Variants in ARHGEF10L observed in about 807,000 individuals in gnomAD.
ARHGEF10L encodes rho guanine nucleotide exchange factor 10-like protein.
ARHGEF10L carries 69 observed loss-of-function variants against 141.2 expected under a neutral mutation model. The ratio of observed to expected loss-of-function variants is 0.49; its 90% CI spans 0.40 to 0.60. The LOEUF (loss-of-function observed/expected upper bound fraction) is 0.60, where lower values mean the gene tolerates loss of function less well. Among genes scored for constraint, ARHGEF10L ranks in the 20% least tolerant of loss-of-function variants. The pLI is 0.00. For missense variants in ARHGEF10L, 1,482 were observed against 1,734.3 expected, an observed-to-expected ratio of 0.85 and a Z score of 2.58; for synonymous variants, 711 against 718.5, an observed-to-expected ratio of 0.99 and a Z score of 0.17.
At chr1:17,677,997 G>A (rs562676656) in intron 26 of ARHGEF10L, among the ~76,000 whole-genome samples, 1 of 152,184 alleles carries the variant, frequency 6.6e-6, no homozygotes, top group Admixed American at 6.5e-5. Flanking sequence ...CATGGGGGCT[G>A]CGGGTGAGCT....
At chr1:17,657,973 A>T (rs35871295) in intron 25 of ARHGEF10L, among the ~76,000 whole-genome samples, 18,206 of 152,278 alleles carry the variant, frequency 0.12, 1,362 homozygotes, top group Non-Finnish European at 0.16. Flanking sequence ...AATGGCAGAC[A>T]TGTAGCGTCG....
At chr1:17,527,519 C>G in the ARHGEF10L span, among the ~76,000 whole-genome samples, 13 of 152,118 alleles carry the variant, frequency 8.5e-5, no homozygotes, top group Non-Finnish European at 1.6e-4. Context: ...TTTTATGGCA[C>G]CACCCGTACC....
chr1:17,626,161 A>G (rs2060375712), intron 14 of ARHGEF10L, 113 bp downstream of exon 14: 2 of 808,576 alleles, frequency 2.5e-6, no homozygotes, highest in African/African-American at 3.5e-5. Flanking sequence ...TCCATAACCC[A>G]CCCAACCTGC....
chr1:17,593,952 A>G lies in ARHGEF10L; in HGVS notation c.257+5473A>G, dbSNP rs147312851. Among the ~76,000 whole-genome samples the G allele has an allele frequency of 8.2e-3, 1,223 of 149,290 alleles. 19 individuals are homozygous for G. Among genetic ancestry groups the G allele is most frequent in the African/African-American group, 0.027 (1,101 of 40,362 alleles). ...CAGGGGCTCTGTTTGCCCTTTCTCT[A>G]TGGCCCTCTCTGTGCATCTAGGATG... On this transcript the variant is annotated intron_variant, in intron 4 of 28. Coordinates refer to ENST00000361221, the MANE Select transcript of ARHGEF10L (RefSeq NM_018125.4).
chr1:17,596,588 T>C lies in ARHGEF10L; in HGVS notation c.258-5539T>C, dbSNP rs570300892. Among the ~76,000 whole-genome samples, 32 of 152,334 alleles carry C rather than the reference T, an allele frequency of 2.1e-4. No homozygotes were observed. The South Asian group carries it at 6.4e-3, about 31-fold the overall frequency. ...GCGTGTGGACCATGCTGGCCAGGAA[T>C]CCTTAGCTTGTTCTGGTTTTGGGGG... On this transcript the variant is annotated intron_variant, in intron 4 of 28. Transcript: ENST00000361221.
At chr1:17,613,868 C>CCTCG (rs753107745) in intron 8 of ARHGEF10L, among the ~76,000 whole-genome samples, 1 of 152,326 alleles carries the variant, frequency 6.6e-6, no homozygotes, top group East Asian at 1.9e-4. Context: ...CCTCTCTGAG[C>CCTCG]CTCGGTTTCC....
At chr1:17,570,349 C>T (rs1266066437) in intron 1 of ARHGEF10L, among the ~76,000 whole-genome samples, 3 of 152,294 alleles carry the variant, frequency 2.0e-5, no homozygotes, top group African/African-American at 7.2e-5. Flanking sequence ...GCCTCTGATA[C>T]AGCGACCTTG....
rs546818621 is a variant in ARHGEF10L, at chr1:17,632,997, G to A, written c.1730+531G>A. Among the ~76,000 whole-genome samples the A allele has an allele frequency of 7.5e-4, 115 of 152,334 alleles. 3 individuals carry two copies. The South Asian group carries it at 0.018, about 24-fold the overall frequency. ...TGCCTGGGAGCCGGAGCCCTGGTGT[G>A]GGGTGAGGGTGAGGCTTTAGGCCAG... On this transcript the variant is annotated intron_variant, in intron 16 of 28. Transcript: ENST00000361221.
chr1:17,526,349 G>A, the ARHGEF10L span, among the ~76,000 whole-genome samples: 7 of 152,310 alleles, frequency 4.6e-5, no homozygotes, highest in Admixed American at 3.9e-4. Context: ...GGATGCCAAC[G>A]TTTGTGGGAG....
At chr1:17,649,543 C>T (rs2061792609) in intron 22 of ARHGEF10L, among the ~76,000 whole-genome samples, 1 of 152,212 alleles carries the variant, frequency 6.6e-6, no homozygotes, top group African/African-American at 2.4e-5. Context: ...CATTTGTTCA[C>T]TTGTCCATTC....
chr1:17,541,162 C>T (rs141755804), intron 1 of ARHGEF10L, among the ~76,000 whole-genome samples: 316 of 152,312 alleles, frequency 2.1e-3, no homozygotes, highest in Non-Finnish European at 3.5e-3. Flanking sequence ...CTGTCCCTTC[C>T]CCTTCCACCA....
At chr1:17,536,988 G>A (rs1344196570), upstream of ARHGEF10L, among the ~76,000 whole-genome samples, 1 of 152,102 alleles carries the variant, frequency 6.6e-6, no homozygotes, top group Non-Finnish European at 1.5e-5. Flanking sequence ...TCCCACCTCA[G>A]CCACCTGAGT....
At chr1:17,566,880 G>C (rs1203203098) in intron 1 of ARHGEF10L, among the ~76,000 whole-genome samples, 1 of 152,166 alleles carries the variant, frequency 6.6e-6, no homozygotes, top group African/African-American at 2.4e-5. Context: ...TTGGATGGCA[G>C]AGGGATGCCA....
chr1:17,517,942 C>T, the ARHGEF10L span, among the ~76,000 whole-genome samples: 7 of 152,142 alleles, frequency 4.6e-5, no homozygotes, highest in South Asian at 2.1e-4. Context: ...GAATTATAGG[C>T]GTGAGCCACA....
chr1:17,555,998 G>C (rs2077290846), intron 1 of ARHGEF10L, among the ~76,000 whole-genome samples: 1 of 151,832 alleles, frequency 6.6e-6, no homozygotes, highest in Non-Finnish European at 1.5e-5. Context: ...GAGGCAAAGA[G>C]GATGGCGAGG....
intron 16 of ARHGEF10L, among the ~76,000 whole-genome samples, chr1:17,633,582 C>T (rs1442887129): frequency 6.6e-6 from 1 of 152,010 alleles, no homozygotes; most frequent in Admixed American, 6.5e-5. Flanking sequence ...AAACTCCTGA[C>T]CTCAGGTGAT....
At chr1:17,542,954 G>A (rs1388465883) in intron 1 of ARHGEF10L, among the ~76,000 whole-genome samples, 1 of 152,192 alleles carries the variant, frequency 6.6e-6, no homozygotes, top group East Asian at 1.9e-4. Context: ...CACTGTTCTT[G>A]CCCTCAAGGG....
intron 26 of ARHGEF10L, among the ~76,000 whole-genome samples, chr1:17,667,560 G>A (rs951256452): frequency 2.0e-5 from 3 of 152,246 alleles, no homozygotes; most frequent in African/African-American, 7.2e-5. Flanking sequence ...TAGGAGAATT[G>A]GGGCACACCA....
At chr1:17,516,513 C>T in the ARHGEF10L span, among the ~76,000 whole-genome samples, 18 of 152,288 alleles carry the variant, frequency 1.2e-4, 1 homozygote, top group East Asian at 3.5e-3. Context: ...CTCCACACTC[C>T]CCGTCCCTGT....
Sources: gnomAD v4.1 joint callset for allele counts (sites outside exome capture counted in the v4.1 genomes callset) on GRCh38, gnomAD v4.1.1 for gene constraint, MANE v1.5 for transcripts, NCBI Gene and HGNC (gene_info 2026-07-23, HGNC 2026-07-21) for gene names.